Variants in ROBO2 observed in about 807,000 individuals in gnomAD.
ROBO2 encodes roundabout homolog 2.
Under a neutral mutation model 160.8 loss-of-function variants are expected in ROBO2, and 53 were observed. The ratio of observed to expected loss-of-function variants is 0.33; its 90% confidence interval spans 0.26 to 0.41. The LOEUF (loss-of-function observed/expected upper bound fraction) is 0.41, where lower values mean the gene tolerates loss of function less well. Among genes scored for constraint, ROBO2 ranks in the 10% least tolerant of loss-of-function variants. The probability of loss-of-function intolerance (pLI) is 1.00; values close to 1 mark genes in which losing one functional copy is unlikely to be tolerated. For missense variants in ROBO2, 1,577 were observed against 1,722.4 expected (o/e 0.92, Z 1.49); for synonymous variants, 664 against 611.7 (o/e 1.09, Z -1.26).
At chr3:76,877,560 T>C (rs1294581782) in intron 2 of ROBO2, among the ~76,000 whole-genome samples, 1 of 152,160 alleles carries the variant, frequency 6.6e-6, no homozygotes, top group Non-Finnish European at 1.5e-5. Context: ...AATGATGACA[T>C]GTTTGCTTTG....
intron 2 of ROBO2, among the ~76,000 whole-genome samples, chr3:76,273,654 A>T (rs766173178): frequency 6.6e-6 from 1 of 152,090 alleles, no homozygotes; most frequent in Non-Finnish European, 1.5e-5. Context: ...ACTCACGATC[A>T]TGAGAACTCA....
At chr3:76,780,655 T>C (rs1269573397) in intron 2 of ROBO2, among the ~76,000 whole-genome samples, 3 of 150,702 alleles carry the variant, frequency 2.0e-5, no homozygotes, top group Non-Finnish European at 3.0e-5. Context: ...CCTGTGGATA[T>C]CTAATTTTTC....
At chr3:77,334,448 G>T (rs2066281023) in intron 2 of ROBO2, among the ~76,000 whole-genome samples, 1 of 152,172 alleles carries the variant, frequency 6.6e-6, no homozygotes. Flanking sequence ...GGCCTGAAGA[G>T]AAATTTTGTT....
At chr3:77,338,953 G>T (rs7624151) in intron 2 of ROBO2, among the ~76,000 whole-genome samples, 5,782 of 152,126 alleles carry the variant, frequency 0.038, 368 homozygotes, top group African/African-American at 0.13. Context: ...AGCCCTAGAG[G>T]TGAGTCCCTG....
intron 2 of ROBO2, among the ~76,000 whole-genome samples, chr3:77,333,361 C>T (rs1449204183): frequency 1.3e-5 from 2 of 152,156 alleles, no homozygotes; most frequent in East Asian, 1.9e-4. Context: ...AAGCTTTCTG[C>T]TTCTATGTAG....
chr3:77,480,982 T>G, intron 3 of ROBO2, 117 bp from the exon 4 acceptor site: 3 of 888,586 alleles, frequency 3.4e-6, no homozygotes, highest in East Asian at 2.7e-5. Flanking sequence ...AATGGGAGAG[T>G]TTTTTCCTTT....
rs377090497 is a variant in ROBO2, at chr3:77,216,392, C to A, written c.388+118052C>A. On this transcript the variant is annotated intron_variant, in intron 2 of 25. Transcript: ENST00000461745. The stretch of plus-strand genomic sequence containing the variant: ...CTCTGAGCCAGGCACAAGATATAAT[C>A]TCCTGGTGCGCCGTTTACTAAGACC... Among the ~76,000 whole-genome samples, 60 of 152,300 alleles carry A rather than the reference C, an allele frequency of 3.9e-4. No individual in the cohort carries two copies. In the East Asian group the frequency reaches 5.8e-3, roughly 15 times the overall value.
At chr3:76,589,459 C>G (rs1419774161) in intron 2 of ROBO2, among the ~76,000 whole-genome samples, 1 of 152,056 alleles carries the variant, frequency 6.6e-6, no homozygotes, top group African/African-American at 2.4e-5. Flanking sequence ...GCCACCACGC[C>G]CGGCTAATTT....
At chr3:76,047,261 A>G (rs565510621) in intron 2 of ROBO2, among the ~76,000 whole-genome samples, 9 of 152,148 alleles carry the variant, frequency 5.9e-5, no homozygotes, top group South Asian at 2.1e-4. Flanking sequence ...TGGACTAATA[A>G]TGCATTAATA....
At chr3:77,250,431 C>T (rs915291258) in intron 2 of ROBO2, among the ~76,000 whole-genome samples, 1 of 152,150 alleles carries the variant, frequency 6.6e-6, no homozygotes, top group Non-Finnish European at 1.5e-5. Flanking sequence ...CCTTTAATAT[C>T]CAGCCTCCTT....
At chr3:76,042,089 A>C (rs1576604474) in intron 2 of ROBO2, among the ~76,000 whole-genome samples, 1 of 151,946 alleles carries the variant, frequency 6.6e-6, no homozygotes, top group East Asian at 1.9e-4. Flanking sequence ...AAGATGAATT[A>C]AATTTCATCC....
chr3:76,505,068 A>G (rs1244100636), intron 2 of ROBO2, among the ~76,000 whole-genome samples: 1 of 152,194 alleles, frequency 6.6e-6, no homozygotes, highest in African/African-American at 2.4e-5. Flanking sequence ...AAGGAGAGAA[A>G]GAAGAAATTG....
intron 2 of ROBO2, among the ~76,000 whole-genome samples, chr3:76,845,000 G>A (rs368958684): frequency 1.3e-5 from 2 of 151,888 alleles, no homozygotes; most frequent in East Asian, 3.9e-4. Context: ...ACTATTTTCA[G>A]CCTGGGCCTT....
At chr3:76,922,683 A>G (rs1157733998) in intron 2 of ROBO2, among the ~76,000 whole-genome samples, 1 of 152,168 alleles carries the variant, frequency 6.6e-6, no homozygotes, top group East Asian at 1.9e-4. Flanking sequence ...TTGTCTCGGC[A>G]TCTCACAGAG....
At chr3:76,686,978 A>G (rs1254127923) in intron 2 of ROBO2, among the ~76,000 whole-genome samples, 1 of 151,974 alleles carries the variant, frequency 6.6e-6, no homozygotes, top group Admixed American at 6.6e-5. Context: ...GCACTTTAAT[A>G]TGTGTTAAAT....
intron 2 of ROBO2, among the ~76,000 whole-genome samples, chr3:75,955,915 A>G (rs1244845974): frequency 1.3e-5 from 2 of 151,782 alleles, no homozygotes; most frequent in Non-Finnish European, 2.9e-5. Context: ...ATAGGCTATA[A>G]CTTCATATAG....
intron 2 of ROBO2, among the ~76,000 whole-genome samples, chr3:77,345,325 A>C (rs541624204): frequency 3.9e-5 from 6 of 152,196 alleles, no homozygotes; most frequent in Non-Finnish European, 7.4e-5. Context: ...GAAGGTAGAA[A>C]CATGGCAGAC....
chr3:77,273,989 T>G (rs191809944), intron 2 of ROBO2, among the ~76,000 whole-genome samples: 1,351 of 71,678 alleles, frequency 0.019, 22 homozygotes, highest in African/African-American at 0.038. Context: ...CTTTTTCCTG[T>G]TTTTTTTTCC....
chr3:76,246,624 A>G (rs1705640268), intron 2 of ROBO2, among the ~76,000 whole-genome samples: 1 of 152,160 alleles, frequency 6.6e-6, no homozygotes, highest in Non-Finnish European at 1.5e-5. Flanking sequence ...CCTAGAAGTT[A>G]TAACAAACTT....
Sources: gnomAD v4.1 joint callset for allele counts (sites outside exome capture counted in the v4.1 genomes callset) on GRCh38, gnomAD v4.1.1 for gene constraint, MANE v1.5 for transcripts, NCBI Gene and HGNC (gene_info 2026-07-23, HGNC 2026-07-21) for gene names.